The following PLCG2 variants were observed in gnomAD, a reference collection of about 807,000 sequenced individuals.
PLCG2 encodes 1-phosphatidylinositol 4,5-bisphosphate phosphodiesterase gamma-2.
A neutral mutation model predicts 175.6 loss-of-function variants in PLCG2; 69 were observed. That is an observed-to-expected ratio of 0.39 (90% CI 0.32 to 0.48). The LOEUF (loss-of-function observed/expected upper bound fraction) is 0.48. PLCG2 is among the 20% of genes least tolerant of loss of function. The pLI is 0.91. For synonymous variants in PLCG2, 827 were observed against 624.0 expected, an observed-to-expected ratio of 1.33 and a Z score of -4.85; for missense variants, 1,798 against 1,650.9, an observed-to-expected ratio of 1.09 and a Z score of -1.54.
chr16:81,893,288 T>A (rs866524515), intron 11 of PLCG2, among the ~76,000 whole-genome samples: 1 of 152,218 alleles, frequency 6.6e-6, no homozygotes, highest in African/African-American at 2.4e-5. Context: ...AGTTGTTGAA[T>A]ATCTGTTCTG....
chr16:81,888,496 C>G (rs937698228), intron 9 of PLCG2, among the ~76,000 whole-genome samples: 5 of 152,234 alleles, frequency 3.3e-5, no homozygotes, highest in Admixed American at 2.6e-4. Context: ...CAAAGTGGGT[C>G]TGAGCACTTT....
At position 81,919,487 on chromosome 16, in the gene PLCG2, TA is replaced by T; in HGVS notation, c.2059del (p.Arg687GlyfsTer4). The T allele has an allele frequency of 6.2e-7, 1 of 1,613,132 alleles. No homozygotes were observed. On this transcript the variant is annotated frameshift_variant, in exon 20 of 33. Coordinates refer to ENST00000564138, the MANE Select transcript of PLCG2 (RefSeq NM_002661.5). LOFTEE classifies it high-confidence loss of function. ...CCCTGTGTTCTTCCTGCTCCAGGGC[TA>T]GGGGCAAGGTAAAGCATTGTCGCAT... ...SDSYAITFRA[R>X]GKVKHCRINR...
intron 2 of PLCG2, among the ~76,000 whole-genome samples, chr16:81,790,379 A>T (rs1249693688): frequency 2.0e-5 from 3 of 152,316 alleles, no homozygotes; most frequent in East Asian, 3.9e-4. Context: ...TGGTGTTGGT[A>T]AAGTGACAGG....
intron 19 of PLCG2, among the ~76,000 whole-genome samples, chr16:81,913,152 C>G (rs1271771591): frequency 2.0e-5 from 3 of 152,220 alleles, no homozygotes; most frequent in Non-Finnish European, 4.4e-5. Flanking sequence ...CCAACCACCT[C>G]TAGGCCTGTG....
At chr16:81,860,173 T>TTATTATTATTA (rs56260145) in intron 5 of PLCG2, among the ~76,000 whole-genome samples, 129 of 81,510 alleles carry the variant, frequency 1.6e-3, no homozygotes, top group African/African-American at 5.8e-3. Context: ...ATTATTATTA[T>TTATTATTATTA]TTTTTTTTTT....
intron 32 of PLCG2, among the ~76,000 whole-genome samples, chr16:81,957,755 C>A (rs1007445660): frequency 6.6e-6 from 1 of 152,136 alleles, no homozygotes; most frequent in Non-Finnish European, 1.5e-5. Context: ...AGCTCTTACT[C>A]TGTTTTACCA....
chr16:81,884,363 A>G (rs920702393), intron 9 of PLCG2, among the ~76,000 whole-genome samples: 2 of 151,934 alleles, frequency 1.3e-5, no homozygotes, highest in Admixed American at 6.6e-5. Flanking sequence ...AAAACAAAAA[A>G]CAAAAACACC....
At chr16:81,885,096 G>T (rs547577050) in intron 9 of PLCG2, among the ~76,000 whole-genome samples, 2 of 151,156 alleles carry the variant, frequency 1.3e-5, no homozygotes, top group Non-Finnish European at 2.9e-5. Context: ...CTGTCACCAG[G>T]CTGGAGTACA....
chr16:81,745,244 C>G (rs1044707577), intron 1 of PLCG2, among the ~76,000 whole-genome samples: 2 of 152,092 alleles, frequency 1.3e-5, no homozygotes, highest in African/African-American at 4.8e-5. Context: ...ACTGATTGGC[C>G]GGGAAGGGCA....
chr16:81,883,951 G>T (rs995560259), intron 9 of PLCG2, among the ~76,000 whole-genome samples: 8 of 152,318 alleles, frequency 5.3e-5, no homozygotes, highest in South Asian at 4.1e-4. Context: ...GACGACATGG[G>T]TGCGTGTCAC....
intron 9 of PLCG2, among the ~76,000 whole-genome samples, chr16:81,887,261 AG>A (rs1308720653): frequency 2.0e-5 from 3 of 152,034 alleles, no homozygotes; most frequent in Admixed American, 2.0e-4. Flanking sequence ...CTGGGACTAC[AG>A]GCACCCGCCA....
upstream of PLCG2, among the ~76,000 whole-genome samples, chr16:81,778,429 T>C (rs1168107233): frequency 6.6e-6 from 1 of 152,178 alleles, no homozygotes; most frequent in Non-Finnish European, 1.5e-5. Context: ...GCCTGACAGC[T>C]GTCTAGGTGC....
rs1597158768 is a variant in PLCG2 at position 81,959,285 on chromosome 16, C to A, written c.*1287C>A. The A allele has an allele frequency of 8.9e-6, 2 of 224,060 alleles. No homozygotes were observed. Among genetic ancestry groups the A allele is most frequent in the Non-Finnish European group, 1.8e-5 (2 of 112,308 alleles). 13.9% of individuals were successfully genotyped at this position (224,060 alleles called of 1,614,324 possible). ...AACTGGCCCCTAGAAACCCATCTGA[C>A]CCTCCTCTTGTTACCCGAAATGCTG... On this transcript the variant is annotated 3_prime_UTR_variant, in exon 33 of 33. Transcript: ENST00000564138.
At chr16:81,932,965 C>T (rs923796378) in intron 25 of PLCG2, among the ~76,000 whole-genome samples, 1 of 152,230 alleles carries the variant, frequency 6.6e-6, no homozygotes. Flanking sequence ...GGAGGTGCCA[C>T]GACCCTGAGG....
Position 81,960,119 on chromosome 16 carries a change from T to G in PLCG2, c.*2121T>G, listed in dbSNP as rs1266451644. On this transcript the variant is annotated 3_prime_UTR_variant, in exon 33 of 33. Coordinates refer to ENST00000564138, the MANE Select transcript of PLCG2 (RefSeq NM_002661.5). ...GCCTAAAACTGTCTCCTTCTCCTGGTGCTACAACCGGAATCCACCATGAGA... is the reference window on the plus strand; with the variant it reads ...GCCTAAAACTGTCTCCTTCTCCTGGGGCTACAACCGGAATCCACCATGAGA... 2 of 219,438 alleles carry G rather than the reference T, an allele frequency of 9.1e-6. No individual in the cohort carries two copies. The highest frequency in any genetic ancestry group is 4.5e-5 in the African/African-American group (2 of 44,542). 13.6% of individuals were successfully genotyped at this position (219,438 alleles called of 1,614,324 possible).
intron 2 of PLCG2, among the ~76,000 whole-genome samples, chr16:81,830,445 T>G (rs546865559): frequency 5.3e-5 from 8 of 152,094 alleles, no homozygotes; most frequent in Non-Finnish European, 1.2e-4. Flanking sequence ...TAGCTGGGAT[T>G]ATAGGCGCAT....
intron 1 of PLCG2, among the ~76,000 whole-genome samples, chr16:81,743,044 T>C (rs1255033945): frequency 2.6e-5 from 4 of 152,198 alleles, no homozygotes. Flanking sequence ...CTCATGCCTG[T>C]AGTCCCAGCA....
intron 6 of PLCG2, 120 bp downstream of exon 6, chr16:81,869,418 A>T: frequency 1.4e-6 from 1 of 724,904 alleles, no homozygotes. Context: ...CTTTGCCTCC[A>T]GAGTACATCT....
intron 2 of PLCG2, among the ~76,000 whole-genome samples, chr16:81,803,277 C>G (rs1403264977): frequency 6.6e-6 from 1 of 152,010 alleles, no homozygotes; most frequent in Non-Finnish European, 1.5e-5. Context: ...CACCACCACG[C>G]CTGTCTAATT....
Sources: allele counts gnomAD v4.1 joint callset (sites outside exome capture counted in the v4.1 genomes callset), GRCh38; gene constraint gnomAD v4.1.1; transcripts MANE v1.5; gene names NCBI Gene and HGNC (gene_info 2026-07-23, HGNC 2026-07-21).